The following COL24A1 variants were observed in gnomAD, a reference collection of about 807,000 sequenced individuals.
COL24A1 encodes collagen alpha-1(XXIV) chain.
A neutral mutation model predicts 253.9 loss-of-function variants in COL24A1; 224 were observed. That is an observed-to-expected ratio of 0.88 (90% CI 0.79 to 0.99). The LOEUF is 0.99. Ranked by LOEUF, COL24A1 falls within the 50% of genes least tolerant of loss-of-function variation. The pLI, the probability that COL24A1 is intolerant of heterozygous loss-of-function variation, is 0.00. For missense variants in COL24A1, 2,131 were observed against 2,068.5 expected (o/e 1.03, Z -0.59); for synonymous variants, 685 against 673.7 (o/e 1.02, Z -0.26).
intron 24 of COL24A1, among the ~76,000 whole-genome samples, chr1:85,939,969 A>C (rs1558733671): frequency 1.3e-5 from 2 of 152,160 alleles, no homozygotes; most frequent in Non-Finnish European, 2.9e-5. Flanking sequence ...CTACTTACTG[A>C]GTCAGTCTTT....
chr1:85,813,689 G>A (rs895909441), intron 47 of COL24A1, among the ~76,000 whole-genome samples: 2 of 148,510 alleles, frequency 1.3e-5, no homozygotes, highest in Non-Finnish European at 1.5e-5. Context: ...TAGCTGGGAC[G>A]ACAGGCGCCC....
intron 37 of COL24A1, among the ~76,000 whole-genome samples, chr1:85,855,814 A>G (rs1678373218): frequency 6.6e-6 from 1 of 152,156 alleles, no homozygotes; most frequent in African/African-American, 2.4e-5. Flanking sequence ...ATGGCTGTCA[A>G]TCTGGTCCTG....
intron 5 of COL24A1, among the ~76,000 whole-genome samples, chr1:86,099,825 A>G (rs925334120): frequency 3.3e-5 from 5 of 152,100 alleles, no homozygotes; most frequent in African/African-American, 9.7e-5. Context: ...TATTCTCCAC[A>G]TGACAGCCAG....
chr1:85,757,258 T>C (rs1438287696), intron 55 of COL24A1, among the ~76,000 whole-genome samples: 1 of 152,184 alleles, frequency 6.6e-6, no homozygotes, highest in African/African-American at 2.4e-5. Context: ...AATATGCTCA[T>C]TATCCCTTAG....
intron 20 of COL24A1, among the ~76,000 whole-genome samples, chr1:85,972,864 G>T (rs1446362834): frequency 6.6e-6 from 1 of 151,224 alleles, no homozygotes; most frequent in Non-Finnish European, 1.5e-5. Context: ...AACCATCCAG[G>T]GGACAGCCTG....
chr1:85,910,038 A>G (rs368430102), intron 25 of COL24A1, 35 bp from the exon 26 acceptor site: 2 of 1,568,138 alleles, frequency 1.3e-6, no homozygotes, highest in Non-Finnish European at 1.8e-6. Flanking sequence ...AGTAACATAG[A>G]GGCATATTAA....
chr1:86,102,959 T>C (rs1013008524), intron 5 of COL24A1, among the ~76,000 whole-genome samples: 13 of 152,208 alleles, frequency 8.5e-5, no homozygotes, highest in African/African-American at 3.1e-4. Flanking sequence ...CAATGATGTG[T>C]CTAATACTGT....
intron 5 of COL24A1, among the ~76,000 whole-genome samples, chr1:86,092,642 G>T (rs992300025): frequency 2.0e-5 from 3 of 151,642 alleles, no homozygotes; most frequent in Non-Finnish European, 4.4e-5. Flanking sequence ...GTGACATATT[G>T]AGTTGTTATT....
intron 59 of COL24A1, among the ~76,000 whole-genome samples, chr1:85,731,249 T>C (rs2100776062): frequency 6.6e-6 from 1 of 152,324 alleles, no homozygotes; most frequent in African/African-American, 2.4e-5. Flanking sequence ...TTGTGTCTAA[T>C]AAACTCTGTG....
At chr1:85,760,058 GTTTTTTTTTT>G (rs34107171) in intron 55 of COL24A1, among the ~76,000 whole-genome samples, 1 of 149,284 alleles carries the variant, frequency 6.7e-6, no homozygotes, top group African/African-American at 2.5e-5. Flanking sequence ...GAAAGACATT[GTTTTTTTTTT>G]TTTTTTGTTT....
intron 30 of COL24A1, 29 bp from the exon 31 acceptor site, chr1:85,895,931 A>G: frequency 6.2e-7 from 1 of 1,605,906 alleles, no homozygotes; most frequent in Non-Finnish European, 8.5e-7. Context: ...TCTTGAGTCA[A>G]GTAGTCCCCT....
At chr1:85,944,594 CT>C (rs11354091) in intron 24 of COL24A1, among the ~76,000 whole-genome samples, 110,372 of 151,066 alleles carry the variant, frequency 0.73, 40,338 homozygotes, top group East Asian at 0.79. Context: ...AGAAGAGACT[CT>C]TTTTTTTTTA....
intron 5 of COL24A1, among the ~76,000 whole-genome samples, chr1:86,099,559 AG>A (rs1704268406): frequency 6.6e-6 from 1 of 152,216 alleles, no homozygotes; most frequent in African/African-American, 2.4e-5. Context: ...AGCAGATAGG[AG>A]GTCCCATAAT....
chr1:86,127,696 A>G (rs965471959), intron 2 of COL24A1, among the ~76,000 whole-genome samples: 1 of 152,064 alleles, frequency 6.6e-6, no homozygotes, highest in Non-Finnish European at 1.5e-5. Context: ...AAGTCTTTGA[A>G]GATTAGCCAG....
At chr1:85,838,388 G>A (rs952729955) in intron 43 of COL24A1, among the ~76,000 whole-genome samples, 197 bp downstream of exon 43, 1 of 152,128 alleles carries the variant, frequency 6.6e-6, no homozygotes, top group Non-Finnish European at 1.5e-5. Flanking sequence ...GTTGAGATCT[G>A]AATGATGAGA....
At chr1:85,779,127 T>C (rs1245340269) in intron 52 of COL24A1, among the ~76,000 whole-genome samples, 1 of 151,976 alleles carries the variant, frequency 6.6e-6, no homozygotes. Flanking sequence ...CATCTTAGCC[T>C]CCCAAGTAGC....
intron 5 of COL24A1, among the ~76,000 whole-genome samples, chr1:86,107,737 G>A (rs1257962012): frequency 2.0e-5 from 3 of 151,808 alleles, no homozygotes; most frequent in South Asian, 2.1e-4. Flanking sequence ...GGGTTTCACC[G>A]TGTTAGCCAG....
Position 85,892,436 on chromosome 1 carries a change from T to C in COL24A1, c.2923-2823A>G, listed in dbSNP as rs549417525. 1.8e-3 allele frequency among the ~76,000 whole-genome samples: 270 copies of C among 151,916 alleles called. 1 individual carries two copies. Among genetic ancestry groups the C allele is most frequent in the Non-Finnish European group, 2.1e-3 (143 of 67,904 alleles). On this transcript the variant is annotated intron_variant, in intron 31 of 59. Transcript: ENST00000370571. ...TTATAAACAAAAACTAAGAGAAATA[T>C]GTACTAGCAGACTTTACTACAAGAA...
intron 7 of COL24A1, among the ~76,000 whole-genome samples, chr1:86,077,421 A>C (rs1360087694): frequency 6.6e-6 from 1 of 152,158 alleles, no homozygotes; most frequent in Non-Finnish European, 1.5e-5. Flanking sequence ...ACTGTGAAAG[A>C]TAGTGTGGCA....
Sources: gnomAD v4.1 joint callset for allele counts (sites outside exome capture counted in the v4.1 genomes callset) on GRCh38, gnomAD v4.1.1 for gene constraint, MANE v1.5 for transcripts, NCBI Gene and HGNC (gene_info 2026-07-23, HGNC 2026-07-21) for gene names.